KCNIP3: variants seen among roughly 807,000 people sequenced by gnomAD.
KCNIP3 encodes the protein potassium voltage-gated channel interacting protein 3, also known as calsenilin.
In KCNIP3, 28 loss-of-function variants were observed where a neutral mutation model predicts 35.0. That is an observed-to-expected ratio of 0.80 (90% CI 0.59 to 1.10). The LOEUF is 1.10. KCNIP3 is among the 50% of genes least tolerant of loss of function. The pLI, the probability that KCNIP3 is intolerant of heterozygous loss-of-function variation, is 0.00. For synonymous variants in KCNIP3, 134 were observed against 133.8 expected, an observed-to-expected ratio of 1.00 and a Z score of -0.01; for missense variants, 295 against 338.4, an observed-to-expected ratio of 0.87 and a Z score of 1.01.
At chr2:95,325,131 G>T (rs903680057) in intron 2 of KCNIP3, among the ~76,000 whole-genome samples, 55 of 152,186 alleles carry the variant, frequency 3.6e-4, no homozygotes, top group African/African-American at 1.3e-3. Flanking sequence ...TTGGAGCAAG[G>T]TGCAGCCACG....
At chr2:95,327,690 G>A (rs890358083) in intron 2 of KCNIP3, among the ~76,000 whole-genome samples, 53 of 152,292 alleles carry the variant, frequency 3.5e-4, no homozygotes, top group African/African-American at 9.4e-4. Flanking sequence ...TGCAGGGGGC[G>A]TCACCATCGC....
intron 2 of KCNIP3, among the ~76,000 whole-genome samples, chr2:95,345,660 C>T (rs1679333394): frequency 6.6e-6 from 1 of 152,238 alleles, no homozygotes; most frequent in Admixed American, 6.5e-5. Context: ...CGCGCTGCCG[C>T]GCTGAGTCCG....
At chr2:95,362,468 C>T (rs990477181) in intron 2 of KCNIP3, among the ~76,000 whole-genome samples, 10 of 152,158 alleles carry the variant, frequency 6.6e-5, no homozygotes, top group African/African-American at 1.9e-4. Flanking sequence ...TGTGACCCCA[C>T]GTAACCTTGG....
intron 1 of KCNIP3, among the ~76,000 whole-genome samples, chr2:95,308,815 C>T (rs1217617227): frequency 6.6e-6 from 1 of 152,244 alleles, no homozygotes; most frequent in African/African-American, 2.4e-5. Context: ...CTGGCTCTTG[C>T]ACCTGACAGT....
intron 2 of KCNIP3, among the ~76,000 whole-genome samples, chr2:95,356,294 A>G (rs994926507): frequency 6.6e-6 from 1 of 151,944 alleles, no homozygotes; most frequent in African/African-American, 2.4e-5. Flanking sequence ...CCCATTCTGT[A>G]GGTTGTCTGT....
intron 2 of KCNIP3, among the ~76,000 whole-genome samples, chr2:95,334,158 C>T (rs1471452651): frequency 6.6e-6 from 1 of 152,234 alleles, no homozygotes; most frequent in African/African-American, 2.4e-5. Context: ...ATTGATGACC[C>T]GTGTGAGTGG....
At chr2:95,371,890 C>T (rs1453446141) in intron 2 of KCNIP3, among the ~76,000 whole-genome samples, 4 of 149,992 alleles carry the variant, frequency 2.7e-5, no homozygotes, top group African/African-American at 7.4e-5. Context: ...CTGCAACCTT[C>T]GCCTCCTGGA....
intron 2 of KCNIP3, among the ~76,000 whole-genome samples, chr2:95,369,429 T>C (rs1297133085): frequency 6.6e-6 from 1 of 152,224 alleles, no homozygotes; most frequent in East Asian, 1.9e-4. Context: ...TAGGTTATCT[T>C]TTTCACCTGG....
chr2:95,380,480 C>G (rs185057290), intron 5 of KCNIP3, among the ~76,000 whole-genome samples: 60 of 152,318 alleles, frequency 3.9e-4, no homozygotes, highest in Admixed American at 6.5e-4. Flanking sequence ...CTGGTACAGC[C>G]CCTTTCTCAC....
intron 2 of KCNIP3, among the ~76,000 whole-genome samples, chr2:95,321,034 C>CTG (rs1167749880): frequency 1.5e-5 from 2 of 137,894 alleles, no homozygotes. Flanking sequence ...CTCCTCCCCA[C>CTG]ACCCCCAGCC....
Position 95,378,048 on chromosome 2 carries a change from CT to C in KCNIP3, c.447+2841del, listed in dbSNP as rs1480442166. Among the ~76,000 whole-genome samples the C allele has an allele frequency of 2.6e-5, 4 of 152,346 alleles. No individual in the cohort carries two copies. Among genetic ancestry groups the C allele is most frequent in the Admixed American group, 2.6e-4 (4 of 15,304 alleles). On this transcript the variant is annotated intron_variant, in intron 5 of 8. Coordinates refer to ENST00000295225, the MANE Select transcript of KCNIP3 (RefSeq NM_013434.5). This position sits in a 1 kb window ranked among gnomAD's most constrained non-coding sequence, Gnocchi z 4.0. ...CAGGGATAACTTAGAATCTTCACTA[CT>C]GTGTAAACCATGCCCAAGCTTCAGT...
chr2:95,327,983 C>A (rs1412434620), intron 2 of KCNIP3, among the ~76,000 whole-genome samples: 2 of 152,242 alleles, frequency 1.3e-5, no homozygotes, highest in Non-Finnish European at 2.9e-5. Context: ...CAGACCTGAC[C>A]TGGGGAGATT....
At position 95,384,441 on chromosome 2, in the gene KCNIP3, G is replaced by A. The variant is rs549513917; in HGVS notation, c.*392G>A. Reference sequence around the variant, plus strand: ...CTCCGGTGTGAGCCCACCTCGTCCCGTTCTCCATTCTGCTTTCTTGCCACA... The same window carrying A: ...CTCCGGTGTGAGCCCACCTCGTCCCATTCTCCATTCTGCTTTCTTGCCACA... On this transcript the variant is annotated 3_prime_UTR_variant, in exon 9 of 9. Coordinates refer to ENST00000295225, the MANE Select transcript of KCNIP3 (RefSeq NM_013434.5). 14 of 242,178 alleles carry A rather than the reference G, an allele frequency of 5.8e-5. No individual in the cohort carries two copies. The highest frequency in any genetic ancestry group is 1.6e-4 in the African/African-American group (7 of 45,036). 15.0% of individuals were successfully genotyped at this position (242,178 alleles called of 1,614,324 possible). A position where few individuals can be genotyped will look rare whatever the true frequency, so the allele number is the denominator to read the frequency against.
At chr2:95,318,512 G>A (rs1234306226) in intron 2 of KCNIP3, among the ~76,000 whole-genome samples, 1 of 152,232 alleles carries the variant, frequency 6.6e-6, no homozygotes, top group South Asian at 2.1e-4. Context: ...CAGGGATGTA[G>A]GGGACTCCCT....
intron 4 of KCNIP3, 93 bp from the exon 5 acceptor site, chr2:95,375,045 C>T (rs1680145422): frequency 9.3e-6 from 14 of 1,513,152 alleles, no homozygotes; most frequent in South Asian, 4.5e-5. Context: ...CAAGCCAGGA[C>T]GCAGTTAGCA....
intron 8 of KCNIP3, 128 bp from the exon 9 acceptor site, chr2:95,383,874 C>G: frequency 1.2e-6 from 1 of 818,412 alleles, no homozygotes; most frequent in South Asian, 1.4e-5. Flanking sequence ...CCCCAGCTCC[C>G]TGCACCCAAT....
chr2:95,365,932 C>G (rs1679906726), intron 2 of KCNIP3, among the ~76,000 whole-genome samples: 1 of 152,064 alleles, frequency 6.6e-6, no homozygotes, highest in African/African-American at 2.4e-5. Context: ...TAACCATTAC[C>G]ACAATCAAGA....
intron 2 of KCNIP3, among the ~76,000 whole-genome samples, chr2:95,324,478 A>C (rs1467662685): frequency 1.3e-5 from 2 of 151,518 alleles, no homozygotes; most frequent in Non-Finnish European, 1.5e-5. Context: ...GCGCCACTGC[A>C]CTCCAGCTTG....
chr2:95,383,123 A>T, intron 7 of KCNIP3, 109 bp from the exon 8 acceptor site: 2 of 238,776 alleles, frequency 8.4e-6, no homozygotes, highest in South Asian at 2.7e-5. Flanking sequence ...CCACCCGCCC[A>T]TCCACCCACC....
Sources: gnomAD v4.1 joint callset for allele counts (sites outside exome capture counted in the v4.1 genomes callset) on GRCh38, gnomAD v4.1.1 for gene constraint, Gnocchi (gnomAD v3.1) non-coding constraint, MANE v1.5 for transcripts, NCBI Gene and HGNC (gene_info 2026-07-23, HGNC 2026-07-21) for gene names.